Variants in NCR1 observed in about 807,000 individuals in gnomAD.
NCR1 encodes NK cell-activating receptor.
NCR1 carries 30 observed loss-of-function variants against 32.5 expected under a neutral mutation model. The observed-to-expected ratio is 0.92, with a 90% CI of 0.69 to 1.25. The LOEUF is 1.25. Among genes scored for constraint, NCR1 ranks in the 50% most tolerant of loss-of-function variants. The pLI is 0.00. For missense variants in NCR1, 369 were observed against 380.7 expected, an observed-to-expected ratio of 0.97 and a Z score of 0.26; for synonymous variants, 169 against 143.4, an observed-to-expected ratio of 1.18 and a Z score of -1.28.
At chr19:54,934,478 A>G in the NCR1 span, 5 of 1,614,008 alleles carry the variant, frequency 3.1e-6, no homozygotes, top group East Asian at 2.2e-5. The surrounding 1 kb of genome is among the most constrained non-coding windows in gnomAD (Gnocchi z 6.7). Context: ...CCATGGGAAG[A>G]GGAGACTTAC....
the NCR1 span, chr19:54,923,934 G>A: frequency 6.4e-7 from 1 of 1,559,128 alleles, no homozygotes. Flanking sequence ...CAGGATGCCT[G>A]AATATCTGTT....
At chr19:54,927,546 A>C in the NCR1 span, 21 of 1,469,946 alleles carry the variant, frequency 1.4e-5, no homozygotes, top group East Asian at 2.3e-5. Context: ...ACAGAGCACG[A>C]CTCCATCTCA....
At chr19:54,919,429 C>T (rs1314039153), downstream of NCR1, among the ~76,000 whole-genome samples, 107 of 149,932 alleles carry the variant, frequency 7.1e-4, no homozygotes, top group African/African-American at 2.6e-3. Flanking sequence ...GCCTGGCAGC[C>T]GAGGCAGAGA....
downstream of NCR1, among the ~76,000 whole-genome samples, chr19:54,920,004 TA>T (rs2068217123): frequency 6.6e-6 from 1 of 152,222 alleles, no homozygotes; most frequent in African/African-American, 2.4e-5. Context: ...AATATTGGAA[TA>T]AAAAGTAATT....
chr19:54,927,828 A>C, the NCR1 span: 552 of 1,545,412 alleles, frequency 3.6e-4, no homozygotes, highest in Non-Finnish European at 4.6e-4. Context: ...GTAGTGGCTC[A>C]AGCGTGTAAT....
downstream of NCR1, among the ~76,000 whole-genome samples, chr19:54,919,874 C>T (rs111673445): frequency 0.031 from 4,773 of 152,220 alleles, 254 homozygotes; most frequent in African/African-American, 0.11. Context: ...TGGCCCTGTC[C>T]GGGCATAACA....
downstream of NCR1, among the ~76,000 whole-genome samples, chr19:54,918,080 C>T (rs762778968): frequency 1.4e-4 from 22 of 152,086 alleles, no homozygotes; most frequent in Middle Eastern, 3.4e-3. Flanking sequence ...GGACTACAGG[C>T]GCCCGCCACC....
chr19:54,926,910 T>G, the NCR1 span, among the ~76,000 whole-genome samples: 1 of 94,306 alleles, frequency 1.1e-5, no homozygotes, highest in Non-Finnish European at 2.1e-5. Context: ...AGAGAGACTC[T>G]GTCTTTAAAA....
upstream of NCR1, among the ~76,000 whole-genome samples, chr19:54,904,531 CTTTTT>C (rs1556717280): frequency 8.4e-6 from 1 of 118,990 alleles, no homozygotes; most frequent in Non-Finnish European, 1.8e-5. Context: ...GTTTTCTTTT[CTTTTT>C]TTTTTTTTTT....
At chr19:54,903,496 A>G (rs924690314), upstream of NCR1, among the ~76,000 whole-genome samples, 1 of 142,986 alleles carries the variant, frequency 7.0e-6, no homozygotes, top group Non-Finnish European at 1.5e-5. Context: ...ATATACATAT[A>G]TGTATGTATA....
At chr19:54,909,952 A>AT in intron 4 of NCR1, 66 bp from the exon 5 acceptor site, 1 of 1,399,902 alleles carries the variant, frequency 7.1e-7, no homozygotes, top group Non-Finnish European at 9.9e-7. Context: ...AAAAAAAAAA[A>AT]AAAAGAATGG....
At chr19:54,899,197 T>C in the NCR1 span, among the ~76,000 whole-genome samples, 2 of 152,036 alleles carry the variant, frequency 1.3e-5, no homozygotes, top group African/African-American at 2.4e-5. Context: ...TTAGATCTTG[T>C]AGGATGGAAA....
the NCR1 span, chr19:54,930,739 A>G: frequency 3.3e-5 from 41 of 1,227,932 alleles, no homozygotes; most frequent in Non-Finnish European, 4.8e-5. Context: ...TATTTCCAAC[A>G]CTATATACCT....
chr19:54,906,538 C>G lies in NCR1; in HGVS notation c.86C>G (p.Pro29Arg). 2.5e-6 allele frequency: 4 copies of G among 1,608,750 alleles called. No homozygotes were observed. Among genetic ancestry groups the G allele is most frequent in the Non-Finnish European group, 3.4e-6 (4 of 1,179,960 alleles). Residue 29 changes from proline to arginine, a missense_variant, in exon 3 of 7, where the codon CCG becomes CGG. Physicochemically the swap from Pro to Arg is moderately radical, Grantham distance 103. Transcript: ENST00000291890. ...TCCCTTCCAGAGACTCTCCCAAAACCGTTCATCTGGGCCGAGCCCCATTTC... is the reference window on the plus strand; with the variant it reads ...TCCCTTCCAGAGACTCTCCCAAAACGGTTCATCTGGGCCGAGCCCCATTTC... Reference protein sequence around the residue: ...ISAQQQTLPKPFIWAEPHFMV... With the variant: ...ISAQQQTLPKRFIWAEPHFMV...
chr19:54,929,437 C>T, the NCR1 span, among the ~76,000 whole-genome samples: 3 of 152,018 alleles, frequency 2.0e-5, no homozygotes, highest in Non-Finnish European at 4.4e-5. Context: ...GTAGTAATGA[C>T]GTGCAGATTC....
the NCR1 span, among the ~76,000 whole-genome samples, chr19:54,931,284 C>T: frequency 2.6e-5 from 4 of 151,682 alleles, no homozygotes; most frequent in African/African-American, 9.7e-5. Context: ...TCGGGCCGGG[C>T]GCGGTGGCTC....
the NCR1 span, chr19:54,937,951 G>A: frequency 3.5e-6 from 3 of 849,556 alleles, no homozygotes; most frequent in Middle Eastern, 2.6e-4. Context: ...AATACATGGA[G>A]ATGAAACAGC....
chr19:54,910,999 G>GA (rs1362612746), intron 5 of NCR1, among the ~76,000 whole-genome samples: 1 of 152,130 alleles, frequency 6.6e-6, no homozygotes, highest in Non-Finnish European at 1.5e-5. Flanking sequence ...CAGGAGGGTT[G>GA]AAAATGATGT....
chr19:54,916,532 A>G (rs1179949450), downstream of NCR1, among the ~76,000 whole-genome samples: 1 of 148,074 alleles, frequency 6.8e-6, no homozygotes, highest in East Asian at 2.0e-4. Context: ...TTGGTCTCAA[A>G]CTCCTGGTCT....
Sources: gnomAD v4.1 joint callset for allele counts (sites outside exome capture counted in the v4.1 genomes callset) on GRCh38, gnomAD v4.1.1 for gene constraint, Gnocchi (gnomAD v3.1) non-coding constraint, MANE v1.5 for transcripts, NCBI Gene and HGNC (gene_info 2026-07-23, HGNC 2026-07-21) for gene names.